LRTM3: variants seen among roughly 807,000 people sequenced by gnomAD.
The protein encoded by LRTM3 is leucine-rich repeat transmembrane protein 3.
chr13:102,739,030 C>T, the LRTM3 span: 31 of 1,550,446 alleles, frequency 2.0e-5, no homozygotes, highest in Middle Eastern at 1.7e-4. Context: ...CTGATAATTC[C>T]TGCTGTGTTG....
chr13:102,740,349 T>C, the LRTM3 span: 2 of 1,550,252 alleles, frequency 1.3e-6, no homozygotes, highest in Non-Finnish European at 1.7e-6. Context: ...TTAGTTATAG[T>C]GCTTAGCTGA....
the LRTM3 span, among the ~76,000 whole-genome samples, chr13:102,754,037 C>G: frequency 1.3e-5 from 2 of 151,966 alleles, no homozygotes; most frequent in African/African-American, 2.4e-5. Context: ...GAAACCCCAA[C>G]TCTACTAAAA....
chr13:102,755,921 G>C, the LRTM3 span, among the ~76,000 whole-genome samples: 2 of 59,674 alleles, frequency 3.4e-5, no homozygotes, highest in African/African-American at 9.3e-5. Flanking sequence ...GTGTGTGTGT[G>C]TGTGTGTGTG....
At chr13:102,742,796 T>A in the LRTM3 span, 1 of 1,550,558 alleles carries the variant, frequency 6.4e-7, no homozygotes, top group Non-Finnish European at 8.7e-7. Flanking sequence ...GCCAACAGAA[T>A]CTGGGACAAT....
the LRTM3 span, chr13:102,742,061 G>A: frequency 2.2e-5 from 34 of 1,550,354 alleles, no homozygotes; most frequent in Admixed American, 6.7e-4. Context: ...AAGAATGCAT[G>A]TCCTGTCTTT....
the LRTM3 span, chr13:102,739,625 A>G: frequency 1.3e-6 from 2 of 1,550,498 alleles, no homozygotes; most frequent in South Asian, 2.4e-5. Context: ...TATACTGAGT[A>G]TATGTGACAG....
the LRTM3 span, chr13:102,732,336 T>A: frequency 1.3e-6 from 2 of 1,551,400 alleles, no homozygotes; most frequent in Middle Eastern, 1.7e-4. Context: ...TCTAATTTCT[T>A]TCTATTGCTT....
the LRTM3 span, chr13:102,739,791 A>T: frequency 6.5e-7 from 1 of 1,549,144 alleles, no homozygotes; most frequent in Admixed American, 2.0e-5. Context: ...TTCAATTTGA[A>T]GTGAGGTAAA....
chr13:102,731,074 G>A, the LRTM3 span: 18 of 1,551,244 alleles, frequency 1.2e-5, no homozygotes, highest in Non-Finnish European at 1.6e-5. Context: ...CTTTTACTGA[G>A]TGGTTTTGGA....
chr13:102,751,425 C>G, the LRTM3 span, among the ~76,000 whole-genome samples: 2 of 150,296 alleles, frequency 1.3e-5, no homozygotes, highest in African/African-American at 4.9e-5. Flanking sequence ...AGAACCCTAA[C>G]AATACACCTG....
At chr13:102,737,951 A>G in the LRTM3 span, 1 of 1,550,502 alleles carries the variant, frequency 6.4e-7, no homozygotes, top group Non-Finnish European at 8.7e-7. Context: ...CTCTATGCCT[A>G]CTCCATCTGC....
the LRTM3 span, chr13:102,758,805 A>G: frequency 1.3e-6 from 2 of 1,550,166 alleles, no homozygotes; most frequent in Non-Finnish European, 1.7e-6. Flanking sequence ...TAGTAAAATT[A>G]TAAAGAAAAT....
At chr13:102,735,089 T>C in the LRTM3 span, 4 of 1,551,196 alleles carry the variant, frequency 2.6e-6, no homozygotes, top group Non-Finnish European at 2.6e-6. Flanking sequence ...AGAAGGACTC[T>C]TAGACAACAT....
the LRTM3 span, chr13:102,745,842 G>C: frequency 1.3e-6 from 2 of 1,551,200 alleles, no homozygotes; most frequent in Admixed American, 2.0e-5. Context: ...AATTGATCCA[G>C]TGTAGGGCAT....
At chr13:102,753,314 C>T in the LRTM3 span, among the ~76,000 whole-genome samples, 1 of 151,930 alleles carries the variant, frequency 6.6e-6, no homozygotes, top group African/African-American at 2.4e-5. Flanking sequence ...CACACTGGGT[C>T]CTGTCAGGGA....
chr13:102,747,864 T>C, the LRTM3 span: 7 of 1,551,326 alleles, frequency 4.5e-6, no homozygotes, highest in South Asian at 8.3e-5. Flanking sequence ...CTTCCTGAAC[T>C]GATCTGTTCC....
At chr13:102,747,634 T>G in the LRTM3 span, 3 of 1,551,226 alleles carry the variant, frequency 1.9e-6, no homozygotes, top group South Asian at 3.6e-5. Context: ...CACTATACTC[T>G]GTTGTTTCAA....
chr13:102,739,203 T>C, the LRTM3 span: 1 of 1,550,230 alleles, frequency 6.5e-7, no homozygotes, highest in Non-Finnish European at 8.7e-7. Flanking sequence ...TTTTTATTGC[T>C]CCGTTGTGGT....
chr13:102,736,610 G>A, the LRTM3 span: 1 of 1,551,020 alleles, frequency 6.4e-7, no homozygotes, highest in Non-Finnish European at 8.7e-7. Context: ...AGTGACAAAA[G>A]GACAAGTTTT....
Sources: allele counts gnomAD v4.1 joint callset (sites outside exome capture counted in the v4.1 genomes callset), GRCh38; gene constraint gnomAD v4.1.1; transcripts MANE v1.5; gene names NCBI Gene and HGNC (gene_info 2026-07-23, HGNC 2026-07-21).